Variants in ZFHX3 observed in about 807,000 individuals in gnomAD.
The protein encoded by ZFHX3 is zinc finger homeobox 3, also known as zinc finger homeobox protein 3.
A neutral mutation model predicts 279.1 loss-of-function variants in ZFHX3; 42 were observed. That is an observed-to-expected ratio of 0.15 (90% confidence interval 0.12 to 0.19). The LOEUF (loss-of-function observed/expected upper bound fraction) is 0.19, where lower values mean the gene tolerates loss of function less well. Ranked by LOEUF, ZFHX3 falls within the 10% of genes least tolerant of loss-of-function variation. The probability of loss-of-function intolerance (pLI) is 1.00; values close to 1 mark genes in which losing one functional copy is unlikely to be tolerated. For missense variants in ZFHX3, 4,981 were observed against 4,754.0 expected (o/e 1.05, Z -1.40); for synonymous variants, 2,293 against 1,957.8 (o/e 1.17, Z -4.52).
intron 3 of ZFHX3, among the ~76,000 whole-genome samples, chr16:73,366,085 C>T (rs1443062651): frequency 6.6e-6 from 1 of 152,108 alleles, no homozygotes; most frequent in Non-Finnish European, 1.5e-5. Flanking sequence ...GATGCAAGAA[C>T]ATTTAAATTA....
intron 2 of ZFHX3, among the ~76,000 whole-genome samples, chr16:73,623,916 G>A (rs550355175): frequency 2.6e-5 from 4 of 152,180 alleles, no homozygotes; most frequent in Admixed American, 6.5e-5. Flanking sequence ...GTTGCAAATA[G>A]TATTTCCTGT....
At chr16:73,730,693 T>C (rs542697754) in intron 1 of ZFHX3, among the ~76,000 whole-genome samples, 16 of 152,298 alleles carry the variant, frequency 1.1e-4, no homozygotes, top group African/African-American at 3.4e-4. Context: ...CCTTTATTGG[T>C]CCAACAGGAC....
At chr16:73,560,536 A>C (rs1468472747) in intron 2 of ZFHX3, among the ~76,000 whole-genome samples, 1 of 152,132 alleles carries the variant, frequency 6.6e-6, no homozygotes, top group African/African-American at 2.4e-5. Flanking sequence ...ATAAAGCCTG[A>C]ATCATCATTA....
intron 5 of ZFHX3, among the ~76,000 whole-genome samples, chr16:73,201,008 C>A (rs1208100961): frequency 6.6e-6 from 1 of 152,092 alleles, no homozygotes; most frequent in Non-Finnish European, 1.5e-5. Context: ...CTCTAAATTT[C>A]TTTTATGGGG....
chr16:73,308,042 A>G (rs1165666017), intron 4 of ZFHX3, among the ~76,000 whole-genome samples: 1 of 151,850 alleles, frequency 6.6e-6, no homozygotes, highest in Non-Finnish European at 1.5e-5. Flanking sequence ...GCTAAAGGAT[A>G]TAAACAGCCA....
chr16:73,823,235 G>T (rs954266461), intron 1 of ZFHX3, among the ~76,000 whole-genome samples: 1 of 152,160 alleles, frequency 6.6e-6, no homozygotes, highest in Non-Finnish European at 1.5e-5. Context: ...CAAAGTAGGA[G>T]TTAATTAGGC....
chr16:72,886,049 A>G lies in ZFHX3; in HGVS notation c.3448+3682T>C, dbSNP rs78273554. On this transcript the variant is annotated intron_variant, in intron 4 of 9. Transcript: ENST00000268489. ...TAAACATCTCAATTCTACCAGGTCC[A>G]TAATGTCCGTTCTCTTGAAGATATC... 2.8e-4 allele frequency among the ~76,000 whole-genome samples: 42 copies of G among 152,342 alleles called. No homozygotes were observed. The East Asian group carries it at 8.1e-3, about 29-fold the overall frequency.
chr16:73,719,236 A>C (rs2053449451), intron 1 of ZFHX3, among the ~76,000 whole-genome samples: 1 of 152,220 alleles, frequency 6.6e-6, no homozygotes, highest in Admixed American at 6.5e-5. Flanking sequence ...GAGGAAGGTG[A>C]ACCATAGTAA....
At chr16:73,549,898 G>C (rs1214000461) in intron 2 of ZFHX3, among the ~76,000 whole-genome samples, 1 of 150,448 alleles carries the variant, frequency 6.6e-6, no homozygotes, top group Non-Finnish European at 1.5e-5. Context: ...AATTACATGA[G>C]AAGCAAAAAG....
intron 1 of ZFHX3, among the ~76,000 whole-genome samples, chr16:73,749,361 ACTTCCAGGTAGGAACCCTAC>A (rs1462474466): frequency 4.0e-5 from 6 of 151,684 alleles, no homozygotes; most frequent in Non-Finnish European, 8.8e-5. Flanking sequence ...CACCACCACC[ACTTCCAGGTAGGAACCCTAC>A]CTTCCAGGCA....
At chr16:73,799,667 T>G (rs777824166) in intron 1 of ZFHX3, among the ~76,000 whole-genome samples, 1 of 152,192 alleles carries the variant, frequency 6.6e-6, no homozygotes, top group African/African-American at 2.4e-5. Flanking sequence ...GCAACTCTAT[T>G]TGGGCTCCAG....
At chr16:73,651,742 C>G (rs2052674061) in intron 2 of ZFHX3, among the ~76,000 whole-genome samples, 1 of 143,138 alleles carries the variant, frequency 7.0e-6, no homozygotes, top group African/African-American at 2.6e-5. Context: ...GTAGTCCCAG[C>G]TACTCGGGAG....
intron 1 of ZFHX3, among the ~76,000 whole-genome samples, chr16:73,019,467 C>A (rs1326959189): frequency 6.6e-6 from 1 of 152,128 alleles, no homozygotes; most frequent in African/African-American, 2.4e-5. Flanking sequence ...CACACATACA[C>A]TTCCTTACCA....
In ZFHX3 at chr16:73,566,058, G is replaced by A. The variant is rs1340513150; in HGVS notation, c.-1546-109800C>T. The stretch of plus-strand genomic sequence containing the variant: ...AAGCTTCCTGCTCATGCAGAGCTGT[G>A]GCAATGCTGTAGAAACACTAGCCTG... On this transcript the variant is annotated intron_variant, in intron 2 of 17. Transcript: ENST00000641206. Among the ~76,000 whole-genome samples the A allele has an allele frequency of 3.3e-5, 5 of 152,218 alleles. No homozygotes were observed. The East Asian group carries it at 7.7e-4, about 24-fold the overall frequency.
upstream of ZFHX3, chr16:73,048,257 C>A (rs1161360308): frequency 6.6e-6 from 1 of 152,036 alleles, no homozygotes; most frequent in Non-Finnish European, 1.5e-5. Context: ...AGCCCCGCTG[C>A]CGCTCGGCTC....
chr16:73,210,848 A>C (rs1327427160), intron 5 of ZFHX3, among the ~76,000 whole-genome samples: 1 of 151,866 alleles, frequency 6.6e-6, no homozygotes, highest in Admixed American at 6.6e-5. Context: ...TTCCCAAAAG[A>C]TTTTTTCAAA....
intron 3 of ZFHX3, among the ~76,000 whole-genome samples, chr16:72,920,827 T>C (rs2039565897): frequency 6.6e-6 from 1 of 151,904 alleles, no homozygotes. Context: ...CTCAGCACTT[T>C]TGGAGGCCAA....
intron 1 of ZFHX3, among the ~76,000 whole-genome samples, chr16:73,044,755 G>A (rs998059398): frequency 7.2e-5 from 11 of 152,134 alleles, no homozygotes; most frequent in African/African-American, 2.2e-4. Flanking sequence ...CTGAGTAGCT[G>A]GAGTTACAGG....
At chr16:73,763,008 G>A (rs1280351975) in intron 1 of ZFHX3, among the ~76,000 whole-genome samples, 1 of 152,044 alleles carries the variant, frequency 6.6e-6, no homozygotes, top group East Asian at 1.9e-4. Context: ...TTTTTAAAAA[G>A]GAAGTGGGAT....
Sources: allele counts gnomAD v4.1 joint callset (sites outside exome capture counted in the v4.1 genomes callset), GRCh38; gene constraint gnomAD v4.1.1; transcripts MANE v1.5; gene names NCBI Gene and HGNC (gene_info 2026-07-23, HGNC 2026-07-21).